The following PLS1 variants were observed in gnomAD, a reference collection of about 807,000 sequenced individuals.
PLS1 encodes the protein plastin 1.
Under a neutral mutation model 73.7 loss-of-function variants are expected in PLS1, and 32 were observed. That is an observed-to-expected ratio of 0.43 (90% CI 0.33 to 0.58). The LOEUF is 0.58. PLS1 is among the 20% of genes least tolerant of loss of function. The pLI, the probability that PLS1 is intolerant of heterozygous loss-of-function variation, is 0.04. For synonymous variants in PLS1, 217 were observed against 261.3 expected (o/e 0.83, Z 1.63); for missense variants, 633 against 740.5 (o/e 0.85, Z 1.68).
intron 1 of PLS1, among the ~76,000 whole-genome samples, chr3:142,642,590 A>C (rs1300455929): frequency 1.3e-5 from 2 of 152,164 alleles, no homozygotes; most frequent in African/African-American, 4.8e-5. Flanking sequence ...TCTGTGCCCC[A>C]TATGGCAGGG....
At chr3:142,671,259 GACCA>G in intron 4 of PLS1, 137 bp downstream of exon 4, 1 of 736,504 alleles carries the variant, frequency 1.4e-6, no homozygotes, top group Non-Finnish European at 2.4e-6. Context: ...AAATACTGCA[GACCA>G]CAGTATAACA....
intron 1 of PLS1, among the ~76,000 whole-genome samples, chr3:142,638,873 G>C (rs12695767): frequency 0.61 from 91,861 of 151,672 alleles, 28,210 homozygotes; most frequent in Non-Finnish European, 0.64. Context: ...TCCTGAGTAG[G>C]TGGGATTATA....
intron 14 of PLS1, among the ~76,000 whole-genome samples, chr3:142,705,767 T>C (rs1415100700): frequency 6.6e-6 from 1 of 152,240 alleles, no homozygotes; most frequent in Non-Finnish European, 1.5e-5. Flanking sequence ...AATCTTCTCA[T>C]GTTTGCCAAA....
At chr3:142,661,291 G>T (rs772124875) in intron 1 of PLS1, among the ~76,000 whole-genome samples, 10 of 152,160 alleles carry the variant, frequency 6.6e-5, no homozygotes, top group Non-Finnish European at 7.4e-5. Flanking sequence ...ACTGCATCTG[G>T]GGAGTAAGAT....
At chr3:142,704,982 A>G (rs2038429120) in intron 14 of PLS1, among the ~76,000 whole-genome samples, 2 of 151,986 alleles carry the variant, frequency 1.3e-5, no homozygotes. Context: ...ATTGGAAATT[A>G]CATTGGTTTG....
chr3:142,700,642 C>A (rs1247297246), intron 12 of PLS1, among the ~76,000 whole-genome samples: 1 of 152,174 alleles, frequency 6.6e-6, no homozygotes, highest in African/African-American at 2.4e-5. Flanking sequence ...TTAAGTATTT[C>A]TTTTCACTTG....
chr3:142,666,985 T>G lies in PLS1; in HGVS notation c.71-2405T>G, dbSNP rs75331807. Among the ~76,000 whole-genome samples the G allele has an allele frequency of 1.9e-4, 29 of 152,196 alleles. No individual in the cohort carries two copies. The East Asian group carries it at 5.6e-3, about 29-fold the overall frequency. ...TTGCCTATTTTTGAATCACGTTGTTTTGTTGTTGTTGTCGAGTTGTAAGAA... is the reference window on the plus strand; with the variant it reads ...TTGCCTATTTTTGAATCACGTTGTTGTGTTGTTGTTGTCGAGTTGTAAGAA... On this transcript the variant is annotated intron_variant, in intron 2 of 15. Coordinates refer to ENST00000457734, the MANE Select transcript of PLS1 (RefSeq NM_001145319.2).
intron 2 of PLS1, among the ~76,000 whole-genome samples, chr3:142,665,208 C>G (rs931415417): frequency 6.8e-6 from 1 of 146,386 alleles, no homozygotes; most frequent in Non-Finnish European, 1.5e-5. Context: ...CTAATAACGA[C>G]TAAAATTAAT....
chr3:142,655,359 AG>A (rs1308930599), intron 1 of PLS1, among the ~76,000 whole-genome samples: 4 of 152,180 alleles, frequency 2.6e-5, no homozygotes, highest in African/African-American at 9.7e-5. Context: ...AGCAGAAAAA[AG>A]TCCCAATGTT....
chr3:142,650,338 C>A (rs1227330783), intron 1 of PLS1, among the ~76,000 whole-genome samples: 1 of 150,682 alleles, frequency 6.6e-6, no homozygotes, highest in Non-Finnish European at 1.5e-5. Flanking sequence ...TGTGCCTCAG[C>A]CTCCTGAGTT....
At chr3:142,631,458 C>T (rs531596945) in intron 1 of PLS1, among the ~76,000 whole-genome samples, 1 of 151,818 alleles carries the variant, frequency 6.6e-6, no homozygotes, top group African/African-American at 2.4e-5. Flanking sequence ...TGCACTCCAG[C>T]CTGGGTGACA....
At chr3:142,676,357 C>G (rs1245626395) in intron 5 of PLS1, 68 bp downstream of exon 5, 2 of 1,433,412 alleles carry the variant, frequency 1.4e-6, no homozygotes, top group East Asian at 4.6e-5. Flanking sequence ...TCCATGAAAA[C>G]TCCAATTCAG....
chr3:142,664,371 A>C, intron 2 of PLS1, 64 bp downstream of exon 2: 1 of 815,834 alleles, frequency 1.2e-6, no homozygotes, highest in Non-Finnish European at 2.0e-6. Context: ...TCAGGAATGG[A>C]AAAATACCTT....
rs776847588 is a variant in PLS1 at position 142,703,912 on chromosome 3, C to T, written c.1416C>T (p.Ala472=). 6.2e-6 allele frequency: 10 copies of T among 1,612,108 alleles called. No individual in the cohort carries two copies. The Admixed American group carries it at 1.7e-4, about 27-fold the overall frequency. The part of the protein sequence containing the change: ...NYAVELGKNK[A]KFSLVGIAGQ... ...CAGTGGAACTTGGGAAGAACAAGGC[C>T]AAATTCTCCTTGGTTGGCATTGCTG... The change falls in exon 13 of 16, where the codon GCC becomes GCT. Residue 472 remains alanine (A), a synonymous_variant. Coordinates refer to ENST00000457734, the MANE Select transcript of PLS1 (RefSeq NM_001145319.2).
At chr3:142,707,874 T>C (rs2038497960) in intron 14 of PLS1, among the ~76,000 whole-genome samples, 5 of 152,096 alleles carry the variant, frequency 3.3e-5, no homozygotes, top group Admixed American at 3.3e-4. Flanking sequence ...ACAGAAACCT[T>C]AGCGGTTTAA....
intron 1 of PLS1, 152 bp from the exon 2 acceptor site, chr3:142,664,050 A>G: frequency 2.7e-6 from 1 of 375,616 alleles, no homozygotes; most frequent in Non-Finnish European, 4.8e-6. Flanking sequence ...ATGCTGAGAG[A>G]TTGTTACCAG....
At chr3:142,636,337 G>C (rs149652842) in intron 1 of PLS1, among the ~76,000 whole-genome samples, 2 of 152,334 alleles carry the variant, frequency 1.3e-5, no homozygotes, top group Non-Finnish European at 2.9e-5. Flanking sequence ...ATGCAATTCA[G>C]TGGAGAAACA....
At chr3:142,613,960 T>C (rs953032934) in intron 1 of PLS1, among the ~76,000 whole-genome samples, 2 of 152,196 alleles carry the variant, frequency 1.3e-5, no homozygotes, top group African/African-American at 4.8e-5. Flanking sequence ...AATTCTATAT[T>C]TGGTACCTTC....
intron 2 of PLS1, 57 bp from the exon 3 acceptor site, chr3:142,669,333 C>G (rs1052733823): frequency 3.9e-6 from 4 of 1,020,770 alleles, no homozygotes; most frequent in Admixed American, 2.7e-5. Flanking sequence ...AAAAGGCATC[C>G]TTATTGTACA....
Sources: allele counts gnomAD v4.1 joint callset (sites outside exome capture counted in the v4.1 genomes callset), GRCh38; gene constraint gnomAD v4.1.1; transcripts MANE v1.5; gene names NCBI Gene and HGNC (gene_info 2026-07-23, HGNC 2026-07-21).